NUP155: variants seen among roughly 807,000 people sequenced by gnomAD.
NUP155 encodes the protein nuclear pore complex protein Nup155.
In NUP155, 71 loss-of-function variants were observed where a neutral mutation model predicts 180.4. The observed-to-expected ratio is 0.39, with a 90% CI of 0.33 to 0.48. The LOEUF (loss-of-function observed/expected upper bound fraction) is 0.48. Ranked by LOEUF, NUP155 falls within the 20% of genes least tolerant of loss-of-function variation. The pLI is 0.91. For synonymous variants in NUP155, 582 were observed against 559.5 expected (o/e 1.04, Z -0.57); for missense variants, 1,553 against 1,648.9 (o/e 0.94, Z 1.01).
rs1002376938 is a variant in NUP155 at position 37,337,380 on chromosome 5, TA to T, written c.1347+437del. On this transcript the variant is annotated intron_variant, in intron 12 of 34. Transcript: ENST00000231498. The stretch of plus-strand genomic sequence containing the variant: ...CTTTATGTTTGAAAGTTTCCATAAT[TA>T]AAAAAAAAACAGACAAAATTACAAA... Among the ~76,000 whole-genome samples the T allele has an allele frequency of 7.6e-4, 112 of 147,860 alleles. 1 individual carries two copies. Among genetic ancestry groups the T allele is most frequent in the Middle Eastern group, 3.5e-3 (1 of 284 alleles).
At chr5:37,334,078 G>A (rs1206722377) in intron 12 of NUP155, among the ~76,000 whole-genome samples, 1 of 151,600 alleles carries the variant, frequency 6.6e-6, no homozygotes, top group Admixed American at 6.6e-5. Flanking sequence ...TGGGATTACA[G>A]GCATGAGCCA....
intron 33 of NUP155, among the ~76,000 whole-genome samples, chr5:37,294,005 C>CAAAAAAAAAAAAAAAAAT (rs1742375151): frequency 2.7e-5 from 1 of 37,282 alleles, no homozygotes; most frequent in Admixed American, 3.7e-4. Context: ...GACGCCGTCT[C>CAAAAAAAAAAAAAAAAAT]AAAAAAAAAA....
In NUP155 at chr5:37,309,598, C is replaced by T. The variant is rs149616390; in HGVS notation, c.2629-331G>A. 9.6e-4 allele frequency: 226 copies of T among 235,530 alleles called. 2 individuals are homozygous for T. Among genetic ancestry groups the T allele is most frequent in the Non-Finnish European group, 1.5e-3 (184 of 119,622 alleles). The allele number at this position is 235,530 out of a possible 1,614,324, so 14.6% of individuals were successfully genotyped here. A position where few individuals can be genotyped will look rare whatever the true frequency, so the allele number is the denominator to read the frequency against. On this transcript the variant is annotated intron_variant, in intron 23 of 34. Transcript: ENST00000231498. ...CTGTAGGAAAGGATCAATAAAAATG[C>T]CCCCATTAACTCTAATTCACTAAAA...
In NUP155 at chr5:37,309,228, T is replaced by C. The variant is rs1294081559; in HGVS notation, c.2668A>G (p.Lys890Glu). 1 of 1,613,396 alleles carries C rather than the reference T, an allele frequency of 6.2e-7. No individual in the cohort carries two copies. The highest frequency in any genetic ancestry group is 1.7e-5 in the Admixed American group (1 of 59,986). ...LLQRSRQVQN[K>E]TEKERMLRES... ...CTTAACATTCTTTCTTTTTCAGTCTTATTTTGAACTTGTCGGGAACGCTGG... is the reference window on the plus strand; with the variant it reads ...CTTAACATTCTTTCTTTTTCAGTCTCATTTTGAACTTGTCGGGAACGCTGG... Residue 890 changes from lysine to glutamate, a missense_variant, in exon 24 of 35, where the codon AAG (lysine) becomes GAG (glutamate). Physicochemically the swap from Lys to Glu is moderately conservative, Grantham distance 56 (BLOSUM62 1). Transcript: ENST00000231498.
At chr5:37,332,845 T>C (rs1745068131) in intron 13 of NUP155, among the ~76,000 whole-genome samples, 1 of 152,058 alleles carries the variant, frequency 6.6e-6, no homozygotes, top group South Asian at 2.1e-4. Context: ...TATTCCCAGC[T>C]ACTCAGGAGG....
intron 17 of NUP155, 21 bp from the exon 18 acceptor site, chr5:37,327,797 A>G (rs756557986): frequency 1.9e-6 from 3 of 1,612,966 alleles, no homozygotes; most frequent in East Asian, 2.2e-5. Flanking sequence ...CATAAGAAAA[A>G]CAAATCTCTT....
intron 30 of NUP155, among the ~76,000 whole-genome samples, chr5:37,300,625 G>A (rs1259686266): frequency 6.6e-6 from 1 of 152,074 alleles, no homozygotes; most frequent in Non-Finnish European, 1.5e-5. Flanking sequence ...AAGGCAAGAA[G>A]CGAGGCCATA....
At chr5:37,350,457 T>A (rs1453128658) in intron 6 of NUP155, among the ~76,000 whole-genome samples, 192 bp from the exon 7 acceptor site, 1 of 152,134 alleles carries the variant, frequency 6.6e-6, no homozygotes, top group African/African-American at 2.4e-5. Flanking sequence ...TAATTTAAAA[T>A]ATCAACCAAA....
At chr5:37,356,878 T>C (rs1199377559) in intron 4 of NUP155, among the ~76,000 whole-genome samples, 1 of 152,074 alleles carries the variant, frequency 6.6e-6, no homozygotes, top group African/African-American at 2.4e-5. Flanking sequence ...GAGGCCAAGG[T>C]AGGCAAATCA....
At chr5:37,340,123 C>CT (rs1402872269) in intron 11 of NUP155, among the ~76,000 whole-genome samples, 1 of 151,972 alleles carries the variant, frequency 6.6e-6, no homozygotes, top group Non-Finnish European at 1.5e-5. Context: ...ATTCAAGAAA[C>CT]TGAGAAGAGC....
chr5:37,324,642 T>A (rs1440508989), intron 19 of NUP155, among the ~76,000 whole-genome samples: 1 of 152,076 alleles, frequency 6.6e-6, no homozygotes, highest in Non-Finnish European at 1.5e-5. Context: ...CAGCCTTGAC[T>A]TCCTAAGTTC....
intron 20 of NUP155, among the ~76,000 whole-genome samples, chr5:37,322,096 C>T (rs183920099): frequency 1.3e-5 from 2 of 152,182 alleles, no homozygotes; most frequent in East Asian, 1.9e-4. Context: ...TCAGGTGATC[C>T]GCCTGCCTCA....
chr5:37,370,290 T>C (rs910093047), intron 1 of NUP155, among the ~76,000 whole-genome samples: 2 of 152,210 alleles, frequency 1.3e-5, no homozygotes, highest in East Asian at 1.9e-4. Context: ...AAGAATCGCT[T>C]GAACCCAGGA....
intron 1 of NUP155, among the ~76,000 whole-genome samples, chr5:37,369,104 T>C (rs138766619): frequency 6.6e-6 from 1 of 152,184 alleles, no homozygotes; most frequent in East Asian, 1.9e-4. Context: ...AATTAAAAAT[T>C]AGCTGGGTGT....
chr5:37,356,773 T>C (rs1746856018), intron 4 of NUP155, among the ~76,000 whole-genome samples: 1 of 152,082 alleles, frequency 6.6e-6, no homozygotes, highest in Admixed American at 6.6e-5. Context: ...TTGTGACGTT[T>C]CTAAGATTTA....
chr5:37,367,231 GT>G (rs1387344679), intron 1 of NUP155, among the ~76,000 whole-genome samples: 9 of 149,970 alleles, frequency 6.0e-5, no homozygotes, highest in African/African-American at 1.5e-4. Context: ...TGTTTTTGGG[GT>G]TTTTTTTTGG....
intron 21 of NUP155, 32 bp downstream of exon 21, chr5:37,317,956 G>T: frequency 8.5e-7 from 1 of 1,177,720 alleles, no homozygotes; most frequent in Non-Finnish European, 1.3e-6. Context: ...CTGAGGTCAT[G>T]TACGCTTAAC....
At chr5:37,358,902 A>C (rs1438742658) in intron 3 of NUP155, among the ~76,000 whole-genome samples, 6 of 152,076 alleles carry the variant, frequency 3.9e-5, no homozygotes, top group Non-Finnish European at 8.8e-5. Context: ...CTGTGGTCCC[A>C]GCTACTCGGG....
chr5:37,331,544 T>TG (rs1445439778), intron 14 of NUP155, 141 bp downstream of exon 14: 1 of 446,372 alleles, frequency 2.2e-6, no homozygotes, highest in African/African-American at 2.0e-5. Context: ...ATTGCACTCC[T>TG]GCCTGGGCAA....
Sources: allele counts gnomAD v4.1 joint callset (sites outside exome capture counted in the v4.1 genomes callset), GRCh38; gene constraint gnomAD v4.1.1; transcripts MANE v1.5; gene names NCBI Gene and HGNC (gene_info 2026-07-23, HGNC 2026-07-21).